Variants in KIF26B observed in about 807,000 individuals in gnomAD.
The protein encoded by KIF26B is kinesin-like protein KIF26B.
In KIF26B, 63 loss-of-function variants were observed where a neutral mutation model predicts 151.2. The ratio of observed to expected loss-of-function variants is 0.42; its 90% CI spans 0.34 to 0.51. The LOEUF is 0.51. Among genes scored for constraint, KIF26B ranks in the 20% least tolerant of loss-of-function variants. The pLI, the probability that KIF26B is intolerant of heterozygous loss-of-function variation, is 0.07. For synonymous variants in KIF26B, 1,357 were observed against 1,262.1 expected, an observed-to-expected ratio of 1.08 and a Z score of -1.59; for missense variants, 2,813 against 2,913.6, an observed-to-expected ratio of 0.97 and a Z score of 0.79.
At chr1:245,651,612 C>T (rs1376489554) in intron 10 of KIF26B, among the ~76,000 whole-genome samples, 4 of 152,216 alleles carry the variant, frequency 2.6e-5, no homozygotes, top group African/African-American at 9.7e-5. Context: ...CAGATTGGTA[C>T]AGGTCCCTGG....
At chr1:245,382,085 A>G (rs764074104) in intron 3 of KIF26B, among the ~76,000 whole-genome samples, 1 of 152,202 alleles carries the variant, frequency 6.6e-6, no homozygotes, top group Non-Finnish European at 1.5e-5. Flanking sequence ...GGATATATCC[A>G]GAAGTAGAAC....
intron 2 of KIF26B, among the ~76,000 whole-genome samples, chr1:245,328,609 T>C (rs1672040801): frequency 6.6e-6 from 1 of 152,196 alleles, no homozygotes; most frequent in African/African-American, 2.4e-5. Flanking sequence ...GACACTAGGC[T>C]CCTTCTAGCA....
chr1:245,524,080 G>A (rs1323948315), intron 4 of KIF26B, among the ~76,000 whole-genome samples: 1 of 152,228 alleles, frequency 6.6e-6, no homozygotes, highest in Non-Finnish European at 1.5e-5. Context: ...CAGTTAGGAG[G>A]AGAGAGAAAA....
Position 245,489,926 on chromosome 1 carries a change from A to G in KIF26B, c.1167-50841A>G, listed in dbSNP as rs1660366770. Among the ~76,000 whole-genome samples the G allele has an allele frequency of 2.0e-5, 3 of 152,232 alleles. No individual in the cohort carries two copies. In the South Asian group the frequency reaches 6.2e-4, roughly 32 times the overall value. Reference sequence around the variant, plus strand: ...TAAGGTAGATATTGTTAATATCCCAATTTGACAGAAGGAAGAAACAGGAGT... The same window carrying G: ...TAAGGTAGATATTGTTAATATCCCAGTTTGACAGAAGGAAGAAACAGGAGT... On this transcript the variant is annotated intron_variant, in intron 4 of 14. Transcript: ENST00000407071.
chr1:245,360,863 A>C (rs1202669741), intron 2 of KIF26B, among the ~76,000 whole-genome samples: 2 of 152,110 alleles, frequency 1.3e-5, no homozygotes, highest in Non-Finnish European at 2.9e-5. Context: ...AATACAAAAA[A>C]ATTAGCCGGG....
intron 4 of KIF26B, among the ~76,000 whole-genome samples, chr1:245,422,001 T>C (rs1658500342): frequency 6.6e-6 from 1 of 152,138 alleles, no homozygotes; most frequent in Admixed American, 6.5e-5. Context: ...GGGCCAGTGA[T>C]GTCAACTGGG....
At chr1:245,463,725 G>A (rs1391383004) in intron 4 of KIF26B, among the ~76,000 whole-genome samples, 1 of 152,220 alleles carries the variant, frequency 6.6e-6, no homozygotes, top group African/African-American at 2.4e-5. Context: ...CGTCTGGATT[G>A]TGATTCAAGG....
chr1:245,231,519 G>A (rs7530998), intron 2 of KIF26B, among the ~76,000 whole-genome samples: 81,298 of 151,070 alleles, frequency 0.54, 23,721 homozygotes, highest in Non-Finnish European at 0.65. Context: ...TCGTCTAAAA[G>A]AAAAATAAAT....
rs563884229 is a variant in KIF26B, at chr1:245,421,773, C to T, written c.1166+2028C>T. On this transcript the variant is annotated intron_variant, in intron 4 of 14. Transcript: ENST00000407071. ...ATGAGTTCTCCTTAAATTCTTGGTG[C>T]GAGGAAACCAGCAGCGTCTTTGGAG... Among the ~76,000 whole-genome samples, 14 of 151,930 alleles carry T rather than the reference C, an allele frequency of 9.2e-5. No individual in the cohort carries two copies. The South Asian group carries it at 1.9e-3, about 20-fold the overall frequency.
rs554087108 is a variant in KIF26B at position 245,552,810 on chromosome 1, G to A, written c.1350+11860G>A. On this transcript the variant is annotated intron_variant, in intron 5 of 14. Transcript: ENST00000407071. The stretch of plus-strand genomic sequence containing the variant: ...AGATGGGGTTTTACCACGTTGGCCA[G>A]GCTAGTCTCAAACTCCTGGCCTCAA... Among the ~76,000 whole-genome samples, 7 of 152,198 alleles carry A rather than the reference G, an allele frequency of 4.6e-5. No homozygotes were observed. In the East Asian group the frequency reaches 1.4e-3, roughly 29 times the overall value.
At chr1:245,345,763 G>A (rs1672441349) in intron 2 of KIF26B, among the ~76,000 whole-genome samples, 1 of 151,966 alleles carries the variant, frequency 6.6e-6, no homozygotes, top group African/African-American at 2.4e-5. Context: ...TGCTTTCACG[G>A]TGTAAACTGC....
chr1:245,235,035 C>A lies in KIF26B; in HGVS notation c.465+78352C>A, dbSNP rs144578822. Among the ~76,000 whole-genome samples the A allele has an allele frequency of 2.7e-3, 413 of 152,246 alleles. 1 individual carries two copies. The highest frequency in any genetic ancestry group is 9.6e-3 in the African/African-American group (399 of 41,540). On this transcript the variant is annotated intron_variant, in intron 2 of 14. Transcript: ENST00000407071. ...TCCTGCCTGGTGGAGCTGAGAGTGT[C>A]AACTGACACTGTCCCTTCGGCCTCC...
At chr1:245,251,504 C>A (rs2103565253) in intron 2 of KIF26B, among the ~76,000 whole-genome samples, 1 of 152,320 alleles carries the variant, frequency 6.6e-6, no homozygotes, top group Middle Eastern at 3.4e-3. Flanking sequence ...TTGCCTACCC[C>A]ATTCATAAAG....
At chr1:245,332,932 C>A (rs925677098) in intron 2 of KIF26B, among the ~76,000 whole-genome samples, 1 of 152,088 alleles carries the variant, frequency 6.6e-6, no homozygotes, top group Non-Finnish European at 1.5e-5. Flanking sequence ...TTCAATGGGT[C>A]TCTCCAAATC....
chr1:245,499,189 A>G (rs1660569975), intron 4 of KIF26B, among the ~76,000 whole-genome samples: 1 of 152,126 alleles, frequency 6.6e-6, no homozygotes, highest in Admixed American at 6.6e-5. Context: ...ACAATTCTCA[A>G]TGTCCTTAGC....
chr1:245,357,669 G>A (rs1232873896), intron 2 of KIF26B, among the ~76,000 whole-genome samples: 14 of 151,994 alleles, frequency 9.2e-5, no homozygotes, highest in Admixed American at 9.2e-4. Context: ...TCTCATGGTT[G>A]ATGAGGGAGA....
chr1:245,302,066 T>C (rs1259541734), intron 2 of KIF26B, among the ~76,000 whole-genome samples: 1 of 152,248 alleles, frequency 6.6e-6, no homozygotes, highest in African/African-American at 2.4e-5. Context: ...ACCACTTGAT[T>C]GTCAGGAATG....
At position 245,702,828 on chromosome 1, in the gene KIF26B, G is replaced by A. The variant is rs189988041; in HGVS notation, c.*222G>A. On this transcript the variant is annotated 3_prime_UTR_variant, in exon 15 of 15. Coordinates refer to ENST00000407071, the MANE Select transcript of KIF26B (RefSeq NM_018012.4). This position sits in a 1 kb window ranked among gnomAD's most constrained non-coding sequence, Gnocchi z 4.1. ...GGAAGGAGAAAAGGATGGGAAGCCC[G>A]AGGGGTGTCCAAGCCCTGTGAGACT... 141 of 490,626 alleles carry A rather than the reference G, an allele frequency of 2.9e-4. No individual in the cohort carries two copies. Among genetic ancestry groups the A allele is most frequent in the Middle Eastern group, 5.3e-4 (1 of 1,874 alleles). 30.4% of individuals were successfully genotyped at this position (490,626 alleles called of 1,614,324 possible).
chr1:245,478,432 T>TTTTTC, intron 4 of KIF26B, among the ~76,000 whole-genome samples: 1 of 148,184 alleles, frequency 6.7e-6, no homozygotes, highest in Non-Finnish European at 1.5e-5. Context: ...TGACTCGCAT[T>TTTTTC]TTTTTTTTTT....
Sources: gnomAD v4.1 joint callset for allele counts (sites outside exome capture counted in the v4.1 genomes callset) on GRCh38, gnomAD v4.1.1 for gene constraint, Gnocchi (gnomAD v3.1) non-coding constraint, MANE v1.5 for transcripts, NCBI Gene and HGNC (gene_info 2026-07-23, HGNC 2026-07-21) for gene names.